The following TTC7B variants were observed in gnomAD, a reference collection of about 807,000 sequenced individuals.
TTC7B encodes tetratricopeptide repeat protein 7B.
TTC7B carries 28 observed loss-of-function variants against 106.8 expected under a neutral mutation model. The ratio of observed to expected loss-of-function variants is 0.26; its 90% CI spans 0.19 to 0.36. The LOEUF is 0.36. Among genes scored for constraint, TTC7B ranks in the 10% least tolerant of loss-of-function variants. TTC7B has a pLI of 1.00. For missense variants in TTC7B, 862 were observed against 1,076.4 expected (o/e 0.80, Z 2.79); for synonymous variants, 405 against 430.6 (o/e 0.94, Z 0.74).
At chr14:90,580,860 C>T (rs550456228) in intron 18 of TTC7B, among the ~76,000 whole-genome samples, 1 of 152,330 alleles carries the variant, frequency 6.6e-6, no homozygotes, top group Admixed American at 6.5e-5. Flanking sequence ...GGCGCTGGGG[C>T]AGATCCATCT....
At chr14:90,664,208 C>A (rs1259200189) in intron 9 of TTC7B, among the ~76,000 whole-genome samples, 4 of 152,110 alleles carry the variant, frequency 2.6e-5, no homozygotes, top group African/African-American at 9.7e-5. Flanking sequence ...TAAAAAACTG[C>A]AGTTTTAATG....
intron 4 of TTC7B, among the ~76,000 whole-genome samples, chr14:90,737,463 T>C (rs1010704960): frequency 6.6e-6 from 1 of 151,468 alleles, no homozygotes; most frequent in Non-Finnish European, 1.5e-5. Flanking sequence ...AGTACTGATA[T>C]ATGCTACTAC....
intron 13 of TTC7B, among the ~76,000 whole-genome samples, chr14:90,651,137 C>T (rs747250833): frequency 6.6e-6 from 1 of 152,222 alleles, no homozygotes; most frequent in Admixed American, 6.5e-5. Context: ...TATCCATTTA[C>T]ATTTAAGAAG....
At chr14:90,610,452 T>G (rs1892824249) in intron 17 of TTC7B, among the ~76,000 whole-genome samples, 2 of 152,206 alleles carry the variant, frequency 1.3e-5, no homozygotes, top group Non-Finnish European at 2.9e-5. Flanking sequence ...AGGGGAAACC[T>G]GATGGGGACA....
chr14:90,800,207 C>G (rs539998990), intron 1 of TTC7B, among the ~76,000 whole-genome samples: 4 of 152,050 alleles, frequency 2.6e-5, no homozygotes, highest in African/African-American at 4.8e-5. Context: ...GGCAAGGCTA[C>G]AAATGGTTAG....
intron 9 of TTC7B, among the ~76,000 whole-genome samples, chr14:90,659,213 T>TTGTGTGTGTG (rs148678143): frequency 0.013 from 1,856 of 146,650 alleles, 42 homozygotes; most frequent in African/African-American, 0.044. Context: ...ACGAGTGTGA[T>TTGTGTGTGTG]TGTGTGTGTG....
rs1037324395 is a variant in TTC7B at position 90,600,498 on chromosome 14, T to C, written c.1967-6872A>G. On this transcript the variant is annotated intron_variant, in intron 17 of 19. Coordinates refer to ENST00000328459, the MANE Select transcript of TTC7B (RefSeq NM_001010854.2). This position sits in a 1 kb window ranked among gnomAD's most constrained non-coding sequence, Gnocchi z 4.3. The stretch of plus-strand genomic sequence containing the variant: ...ACCATTCTAGTAGACACTTCCATTT[T>C]TCACCAAGTGAAAAAAGGATTAAGA... 6.6e-6 allele frequency among the ~76,000 whole-genome samples: 1 copy of C among 152,236 alleles called. No individual in the cohort carries two copies. The highest frequency in any genetic ancestry group is 2.4e-5 in the African/African-American group (1 of 41,462).
Position 90,536,026 on chromosome 14 carries a change from C to G in TTC7B, c.*5342G>C, listed in dbSNP as rs1010914402. 1 of 154,042 alleles carries G rather than the reference C, an allele frequency of 6.5e-6. No individual in the cohort carries two copies. Among genetic ancestry groups the G allele is most frequent in the African/African-American group, 2.4e-5 (1 of 41,446 alleles). The allele number at this position is 154,042 out of a possible 1,614,324, so 9.5% of individuals were successfully genotyped here. ...ATCTCCAAATATAGTCACACAGGGG[C>G]GGGGGCTCCACCCTATGAATCTGGG... is the stretch of plus-strand genomic sequence containing the variant. On this transcript the variant is annotated 3_prime_UTR_variant, in exon 20 of 20. Transcript: ENST00000328459.
chr14:90,613,661 T>C (rs1301677358), intron 16 of TTC7B, among the ~76,000 whole-genome samples: 1 of 152,202 alleles, frequency 6.6e-6, no homozygotes, highest in Non-Finnish European at 1.5e-5. Context: ...GGCACTTCTG[T>C]GAACCACCCA....
At chr14:90,625,800 G>A (rs1884413880) in intron 15 of TTC7B, among the ~76,000 whole-genome samples, 2 of 152,304 alleles carry the variant, frequency 1.3e-5, no homozygotes, top group African/African-American at 2.4e-5. Context: ...ATTCCTCAAC[G>A]GTTACACAGG....
chr14:90,680,985 G>A (rs1394488542), intron 7 of TTC7B, among the ~76,000 whole-genome samples: 1 of 152,126 alleles, frequency 6.6e-6, no homozygotes, highest in African/African-American at 2.4e-5. Flanking sequence ...AGCAATTTTA[G>A]AGTTTGAATA....
intron 3 of TTC7B, among the ~76,000 whole-genome samples, chr14:90,760,169 G>C (rs1048842993): frequency 6.6e-6 from 1 of 152,100 alleles, no homozygotes; most frequent in African/African-American, 2.4e-5. Context: ...CACCAAGGGC[G>C]GACTCAGCAC....
intron 19 of TTC7B, chr14:90,569,895 C>A (rs1890962259): frequency 6.6e-6 from 1 of 152,306 alleles, no homozygotes; most frequent in African/African-American, 2.4e-5. Context: ...CAGGCTCCAG[C>A]AGGGCACTGT....
Position 90,808,034 on chromosome 14 carries a change from C to T in TTC7B, c.121+8141G>A, listed in dbSNP as rs986319502. 3.3e-5 allele frequency among the ~76,000 whole-genome samples: 5 copies of T among 152,240 alleles called. No individual in the cohort carries two copies. Among genetic ancestry groups the T allele is most frequent in the African/African-American group, 7.2e-5 (3 of 41,464 alleles). On this transcript the variant is annotated intron_variant, in intron 1 of 19. Coordinates refer to ENST00000328459, the MANE Select transcript of TTC7B (RefSeq NM_001010854.2). This position sits in a 1 kb window ranked among gnomAD's most constrained non-coding sequence, Gnocchi z 4.2. ...GTGGGCTAGAATCCAGTTCAATTAA[C>T]GGCTCTAGCCTCAGTCTACTCAAGC... is the stretch of plus-strand genomic sequence containing the variant.
rs2140063324 is a variant in TTC7B at position 90,808,322 on chromosome 14, C to T, written c.121+7853G>A. On this transcript the variant is annotated intron_variant, in intron 1 of 19. Coordinates refer to ENST00000328459, the MANE Select transcript of TTC7B (RefSeq NM_001010854.2). The surrounding 1 kb of genome is among the most constrained non-coding windows in gnomAD (Gnocchi z 4.2). ...AGAGAGAGAGAAAGACAGAGAGAGACCCAAGAAATGCAGTTCATTCTTCTT... is the reference window on the plus strand; with the variant it reads ...AGAGAGAGAGAAAGACAGAGAGAGATCCAAGAAATGCAGTTCATTCTTCTT... Among the ~76,000 whole-genome samples the T allele has an allele frequency of 6.6e-6, 1 of 152,314 alleles. No homozygotes were observed. Among genetic ancestry groups the T allele is most frequent in the South Asian group, 2.1e-4 (1 of 4,822 alleles).
chr14:90,744,699 C>G, intron 4 of TTC7B, 93 bp downstream of exon 4: 1 of 1,341,960 alleles, frequency 7.5e-7, no homozygotes, highest in African/African-American at 1.5e-5. Flanking sequence ...CAGAGACAGA[C>G]AAGTTGAAAG....
intron 16 of TTC7B, 106 bp downstream of exon 16, chr14:90,617,823 C>T: frequency 3.6e-6 from 3 of 834,336 alleles, no homozygotes; most frequent in Admixed American, 3.8e-5. Flanking sequence ...CCTGGAGGTG[C>T]ACAGGGGTGA....
chr14:90,759,098 C>T lies in TTC7B; in HGVS notation c.446-14176G>A, dbSNP rs1377194753. Among the ~76,000 whole-genome samples, 1 of 152,172 alleles carries T rather than the reference C, an allele frequency of 6.6e-6. No individual in the cohort carries two copies. The highest frequency in any genetic ancestry group is 6.5e-5 in the Admixed American group (1 of 15,284). ...CTGCCTCTGCCTGGTTCGAGGAAGG[C>T]CCAGCCAGGCCGGCCCCAGCTTCCT... On this transcript the variant is annotated intron_variant, in intron 3 of 19. Coordinates refer to ENST00000328459, the MANE Select transcript of TTC7B (RefSeq NM_001010854.2). The surrounding 1 kb of genome is among the most constrained non-coding windows in gnomAD (Gnocchi z 4.1).
At chr14:90,721,678 A>G (rs1361856568) in intron 5 of TTC7B, among the ~76,000 whole-genome samples, 1 of 152,150 alleles carries the variant, frequency 6.6e-6, no homozygotes, top group Non-Finnish European at 1.5e-5. Flanking sequence ...CCAACTGATG[A>G]GAGGACTGAA....
Sources: gnomAD v4.1 joint callset for allele counts (sites outside exome capture counted in the v4.1 genomes callset) on GRCh38, gnomAD v4.1.1 for gene constraint, Gnocchi (gnomAD v3.1) non-coding constraint, MANE v1.5 for transcripts, NCBI Gene and HGNC (gene_info 2026-07-23, HGNC 2026-07-21) for gene names.